The following CHN1 variants were observed in gnomAD, a reference collection of about 807,000 sequenced individuals.
CHN1 encodes chimerin 1, also known as N-chimaerin.
Under a neutral mutation model 59.5 loss-of-function variants are expected in CHN1, and 37 were observed. The observed-to-expected ratio is 0.62, with a 90% CI of 0.48 to 0.82. CHN1 has a LOEUF of 0.82. Among genes scored for constraint, CHN1 ranks in the 40% least tolerant of loss-of-function variants. The pLI, the probability that CHN1 is intolerant of heterozygous loss-of-function variation, is 0.00. For missense variants in CHN1, 469 were observed against 571.0 expected (o/e 0.82, Z 1.82); for synonymous variants, 206 against 200.4 (o/e 1.03, Z -0.24).
At chr2:174,856,833 G>C (rs1686913944) in intron 6 of CHN1, among the ~76,000 whole-genome samples, 1 of 152,138 alleles carries the variant, frequency 6.6e-6, no homozygotes, top group Non-Finnish European at 1.5e-5. Context: ...GAAAGATTTG[G>C]GGATGTTTAT....
In CHN1 at chr2:174,878,047, G is replaced by T. The variant is rs768662456; in HGVS notation, c.342C>A (p.His114Gln). The change falls in exon 6 of 13, where the codon CAC becomes CAA. Residue 114 changes from histidine (H) to glutamine (Q), a missense_variant. Physicochemically the swap from His to Gln is conservative, Grantham distance 24. Around this residue, in one of 5 missense-constraint regions of CHN1, gnomAD observed 152 missense variants for 166.1 expected, o/e 0.92. Transcript: ENST00000409900. ...FVGEKRFESI[H>Q]DLVTDGLITL... ...TAATCAAGCCATCAGTCACCAGATCGTGGATGGACTCAAAGCGTTTCTCCC... is the reference window on the plus strand; with the variant it reads ...TAATCAAGCCATCAGTCACCAGATCTTGGATGGACTCAAAGCGTTTCTCCC... 1 of 1,613,678 alleles carries T rather than the reference G, an allele frequency of 6.2e-7. No individual in the cohort carries two copies. Among genetic ancestry groups the T allele is most frequent in the East Asian group, 2.2e-5 (1 of 44,880 alleles).
intron 6 of CHN1, among the ~76,000 whole-genome samples, chr2:174,848,961 A>G (rs1244394842): frequency 6.6e-6 from 1 of 152,220 alleles, no homozygotes; most frequent in Non-Finnish European, 1.5e-5. Flanking sequence ...GACTAAAAAT[A>G]TAACGGCCAA....
intron 8 of CHN1, among the ~76,000 whole-genome samples, chr2:174,815,487 T>C (rs1685218298): frequency 6.6e-6 from 1 of 152,238 alleles, no homozygotes; most frequent in African/African-American, 2.4e-5. Flanking sequence ...TCTATTCTGC[T>C]ATTAAGCCCA....
intron 3 of CHN1, among the ~76,000 whole-genome samples, chr2:174,927,176 G>A (rs919409794): frequency 1.3e-5 from 2 of 152,052 alleles, no homozygotes; most frequent in South Asian, 2.1e-4. Context: ...TCCCGAGCAC[G>A]CATCCTTAAC....
chr2:174,814,189 C>T (rs562188865), intron 8 of CHN1, among the ~76,000 whole-genome samples: 6 of 152,310 alleles, frequency 3.9e-5, no homozygotes, highest in Admixed American at 3.9e-4. Flanking sequence ...TCTCTGCATA[C>T]ATGTGGAAGA....
chr2:174,887,657 C>T (rs1687931254), intron 5 of CHN1, among the ~76,000 whole-genome samples: 1 of 152,112 alleles, frequency 6.6e-6, no homozygotes, highest in African/African-American at 2.4e-5. Context: ...TATTTAAAAT[C>T]ACAGGGCCAA....
At chr2:174,888,342 A>G (rs1687950204) in intron 5 of CHN1, among the ~76,000 whole-genome samples, 1 of 152,296 alleles carries the variant, frequency 6.6e-6, no homozygotes, top group Non-Finnish European at 1.5e-5. Context: ...ATTGTCTGAA[A>G]TAAGAGCAGA....
At chr2:174,934,583 A>T (rs1223820638) in intron 3 of CHN1, among the ~76,000 whole-genome samples, 1 of 152,226 alleles carries the variant, frequency 6.6e-6, no homozygotes, top group Non-Finnish European at 1.5e-5. Context: ...GAGAAAGGGC[A>T]TGACATGAAT....
At chr2:174,956,088 T>C (rs1690194807) in intron 1 of CHN1, among the ~76,000 whole-genome samples, 1 of 152,164 alleles carries the variant, frequency 6.6e-6, no homozygotes, top group South Asian at 2.1e-4. Flanking sequence ...GAGGAAATCT[T>C]GGAAGAAGAA....
chr2:174,891,140 C>CAAAAAAAAAA (rs58016502), intron 5 of CHN1, among the ~76,000 whole-genome samples: 21 of 24,414 alleles, frequency 8.6e-4, no homozygotes, highest in African/African-American at 1.9e-3. Context: ...GACTCCATCT[C>CAAAAAAAAAA]AAAAAAAAAA....
At chr2:174,816,842 T>C (rs1374866478) in intron 8 of CHN1, among the ~76,000 whole-genome samples, 1 of 152,164 alleles carries the variant, frequency 6.6e-6, no homozygotes, top group Non-Finnish European at 1.5e-5. Context: ...ACAACCTTCA[T>C]AATCTAATAA....
chr2:174,842,441 T>C (rs1440854255), intron 7 of CHN1, among the ~76,000 whole-genome samples: 1 of 152,226 alleles, frequency 6.6e-6, no homozygotes, highest in Admixed American at 6.5e-5. Flanking sequence ...AATGGAATAC[T>C]TGTAATAAAT....
chr2:174,847,106 C>T, intron 6 of CHN1, 149 bp from the exon 7 acceptor site: 1 of 1,551,438 alleles, frequency 6.4e-7, no homozygotes, highest in Non-Finnish European at 8.7e-7. Context: ...AGTTTTCCTC[C>T]CTGACCAAGA....
intron 1 of CHN1, among the ~76,000 whole-genome samples, chr2:174,979,796 G>A (rs1345117830): frequency 6.6e-6 from 1 of 152,088 alleles, no homozygotes; most frequent in African/African-American, 2.4e-5. Context: ...CAGGAGAATT[G>A]CTTGAACCCG....
At position 174,801,765 on chromosome 2, in the gene CHN1, T is replaced by G; in HGVS notation, c.1150A>C (p.Lys384Gln). ...TCGCAGTGAGCAGGTGGCAGTAGTT[T>G]CAGTGCTTCATGAAGGGTTTCCAAT... ...EQLETLHEAL[K>Q]LLPPAHCETL... Residue 384 changes from lysine (K) to glutamine (Q), a missense_variant, in exon 12 of 13, where the codon AAA becomes CAA. Coordinates refer to ENST00000409900, the MANE Select transcript of CHN1 (RefSeq NM_001822.7). The G allele has an allele frequency of 6.2e-7, 1 of 1,613,488 alleles. No homozygotes were observed. The highest frequency in any genetic ancestry group is 8.5e-7 in the Non-Finnish European group (1 of 1,179,510).
rs962873219 is a variant in CHN1, at chr2:174,851,507, C to A, written c.550-4550G>T. On this transcript the variant is annotated intron_variant, in intron 6 of 12. Coordinates refer to ENST00000409900, the MANE Select transcript of CHN1 (RefSeq NM_001822.7). ...ATGTTGCCCAGGCTGGTCTGGAACTCCTGGGCTCAAGTGATTCACTGGCCT... is the reference window on the plus strand; with the variant it reads ...ATGTTGCCCAGGCTGGTCTGGAACTACTGGGCTCAAGTGATTCACTGGCCT... Among the ~76,000 whole-genome samples, 3 of 152,120 alleles carry A rather than the reference C, an allele frequency of 2.0e-5. No individual in the cohort carries two copies. In the East Asian group the frequency reaches 5.8e-4, roughly 29 times the overall value.
In CHN1 at chr2:174,878,009, T is replaced by C. The variant is rs1157750713; in HGVS notation, c.380A>G (p.Glu127Gly). 1 of 1,613,878 alleles carries C rather than the reference T, an allele frequency of 6.2e-7. No individual in the cohort carries two copies. The change falls in exon 6 of 13, where the codon GAA (glutamate) becomes GGA (glycine). Residue 127 changes from glutamate to glycine, a missense_variant. By Grantham distance (98) the Glu-to-Gly change is moderately conservative. This residue lies in a region of CHN1 where 152 missense variants were observed against 166.1 expected (regional missense o/e 0.92). Coordinates refer to ENST00000409900, the MANE Select transcript of CHN1 (RefSeq NM_001822.7). Reference protein sequence around the residue: ...VTDGLITLYIETKAAEYIAKM... With the variant: ...VTDGLITLYIGTKAAEYIAKM... ...GGCAATGTATTCTGCTGCCTTGGTTTCAATATAGAGAGTAATCAAGCCATC... is the reference window on the plus strand; with the variant it reads ...GGCAATGTATTCTGCTGCCTTGGTTCCAATATAGAGAGTAATCAAGCCATC...
chr2:174,830,818 G>A (rs962623710), intron 7 of CHN1, among the ~76,000 whole-genome samples: 2 of 152,200 alleles, frequency 1.3e-5, no homozygotes, highest in Non-Finnish European at 2.9e-5. Flanking sequence ...GGCCACACGG[G>A]AGAATTTGCA....
At chr2:174,959,767 G>A (rs1022144747) in intron 1 of CHN1, among the ~76,000 whole-genome samples, 2 of 152,140 alleles carry the variant, frequency 1.3e-5, no homozygotes, top group Non-Finnish European at 2.9e-5. Context: ...AGCCTAAGGT[G>A]GATGCTGGAA....
Sources: gnomAD v4.1 joint callset for allele counts (sites outside exome capture counted in the v4.1 genomes callset) on GRCh38, gnomAD v4.1.1 for gene constraint, gnomAD v4.1.1 regional missense constraint, MANE v1.5 for transcripts, NCBI Gene and HGNC (gene_info 2026-07-23, HGNC 2026-07-21) for gene names.